Variants in ASTN2 observed in about 807,000 individuals in gnomAD.
ASTN2 encodes astrotactin 2, also known as astrotactin-2.
In ASTN2, 54 loss-of-function variants were observed where a neutral mutation model predicts 139.8. The observed-to-expected ratio is 0.39, with a 90% CI of 0.31 to 0.48. ASTN2 has a LOEUF of 0.48. Among genes scored for constraint, ASTN2 ranks in the 20% least tolerant of loss-of-function variants. The pLI is 0.95. For missense variants in ASTN2, 1,565 were observed against 1,725.1 expected (o/e 0.91, Z 1.64); for synonymous variants, 756 against 719.5 (o/e 1.05, Z -0.81).
At chr9:117,054,710 T>A (rs1316434028) in intron 5 of ASTN2, among the ~76,000 whole-genome samples, 1 of 152,154 alleles carries the variant, frequency 6.6e-6, no homozygotes, top group Non-Finnish European at 1.5e-5. Flanking sequence ...CTGTGCAGTG[T>A]GGGCAGAAGA....
At chr9:117,374,369 T>TAAAAAAAA (rs57428022) in intron 1 of ASTN2, among the ~76,000 whole-genome samples, 4 of 87,318 alleles carry the variant, frequency 4.6e-5, no homozygotes, top group African/African-American at 5.5e-5. Context: ...AGGGCAGGGT[T>TAAAAAAAA]AAAAAAAAAA....
In ASTN2 at chr9:116,939,375, T is replaced by A. The variant is rs1320777185; in HGVS notation, c.1889+35833A>T. ...ATTATTTAAATAATTTTAACTTTAA[T>A]AAAATATTTGCTTTTGTTATTTAAA... On this transcript the variant is annotated intron_variant, in intron 10 of 22. Transcript: ENST00000313400. Among the ~76,000 whole-genome samples, 3 of 152,118 alleles carry A rather than the reference T, an allele frequency of 2.0e-5. 1 individual carries two copies. The highest frequency in any genetic ancestry group is 4.4e-5 in the Non-Finnish European group (3 of 68,008).
chr9:117,339,297 C>T (rs1409783250), intron 1 of ASTN2, among the ~76,000 whole-genome samples: 7 of 152,096 alleles, frequency 4.6e-5, no homozygotes, highest in Non-Finnish European at 1.0e-4. Flanking sequence ...ACTCCACGAG[C>T]GCTCTTTCCA....
intron 10 of ASTN2, among the ~76,000 whole-genome samples, chr9:116,898,085 G>A (rs564718200): frequency 2.4e-4 from 37 of 151,974 alleles, no homozygotes; most frequent in Non-Finnish European, 4.3e-4. Flanking sequence ...ACGTAGCCTA[G>A]TATCACAGGA....
intron 3 of ASTN2, among the ~76,000 whole-genome samples, chr9:117,204,223 G>A (rs1831835293): frequency 6.6e-6 from 1 of 152,152 alleles, no homozygotes; most frequent in Admixed American, 6.5e-5. Context: ...AAATTTTTGT[G>A]TATTTTTGGA....
At position 117,393,837 on chromosome 9, in the gene ASTN2, C is replaced by T. The variant is rs139982261; in HGVS notation, c.442+20660G>A. Among the ~76,000 whole-genome samples, 256 of 151,924 alleles carry T rather than the reference C, an allele frequency of 1.7e-3. 1 individual carries two copies. Among genetic ancestry groups the T allele is most frequent in the Non-Finnish European group, 2.2e-3 (150 of 67,982 alleles). ...GACTCTAGGGTAGAATGGGCAGGCT[C>T]TGGTATGAAATGGGCAAGCTCTGGG... On this transcript the variant is annotated intron_variant, in intron 1 of 22. Coordinates refer to ENST00000313400, the MANE Select transcript of ASTN2 (RefSeq NM_001365068.1).
At chr9:117,317,912 C>A (rs1452806159) in intron 1 of ASTN2, among the ~76,000 whole-genome samples, 1 of 152,176 alleles carries the variant, frequency 6.6e-6, no homozygotes, top group Non-Finnish European at 1.5e-5. Context: ...AGAGAGCTGG[C>A]AGGACTGAGA....
intron 10 of ASTN2, among the ~76,000 whole-genome samples, chr9:116,944,082 G>T (rs949628406): frequency 6.6e-6 from 1 of 151,748 alleles, no homozygotes; most frequent in Non-Finnish European, 1.5e-5. Flanking sequence ...ATATGAGCTC[G>T]TCTCATTTTT....
At chr9:116,810,233 C>T (rs1051769081) in intron 12 of ASTN2, among the ~76,000 whole-genome samples, 1 of 152,146 alleles carries the variant, frequency 6.6e-6, no homozygotes, top group African/African-American at 2.4e-5. Context: ...TCTTTTAAAA[C>T]ATTTGGTGAA....
At chr9:116,763,340 A>G (rs895930887) in intron 13 of ASTN2, among the ~76,000 whole-genome samples, 3 of 152,162 alleles carry the variant, frequency 2.0e-5, no homozygotes, top group Non-Finnish European at 4.4e-5. Flanking sequence ...TTTATAAGGT[A>G]TACTCATTTT....
intron 1 of ASTN2, among the ~76,000 whole-genome samples, chr9:117,407,180 C>T (rs1421254944): frequency 6.6e-6 from 1 of 152,006 alleles, no homozygotes; most frequent in African/African-American, 2.4e-5. Flanking sequence ...GGTAGAGGTG[C>T]CAAATAAGAA....
chr9:116,904,901 G>A (rs540539704), intron 10 of ASTN2, among the ~76,000 whole-genome samples: 25 of 152,276 alleles, frequency 1.6e-4, no homozygotes, highest in African/African-American at 5.5e-4. Context: ...CTCTATGTTT[G>A]CAGCCATTTG....
chr9:116,492,233 C>A (rs968078297), intron 19 of ASTN2, among the ~76,000 whole-genome samples: 1 of 152,032 alleles, frequency 6.6e-6, no homozygotes, highest in African/African-American at 2.4e-5. Flanking sequence ...AGGTGCCCAC[C>A]ACCATGCCTG....
At chr9:116,807,896 G>A (rs986081557) in intron 12 of ASTN2, among the ~76,000 whole-genome samples, 8 of 151,748 alleles carry the variant, frequency 5.3e-5, no homozygotes, top group Admixed American at 3.3e-4. Context: ...TGGATCATGA[G>A]GTCAGGCGTT....
chr9:116,627,767 T>C (rs1211500865), intron 17 of ASTN2, among the ~76,000 whole-genome samples: 1 of 152,208 alleles, frequency 6.6e-6, no homozygotes, highest in African/African-American at 2.4e-5. Flanking sequence ...ATGTTCTCAC[T>C]GAAGTAGAGA....
At chr9:116,989,679 G>C (rs549405297) in intron 7 of ASTN2, among the ~76,000 whole-genome samples, 2 of 151,752 alleles carry the variant, frequency 1.3e-5, no homozygotes, top group African/African-American at 4.8e-5. Context: ...CACCTCCTGG[G>C]TTCAAGTGAT....
chr9:116,917,121 G>A (rs546663499), intron 10 of ASTN2, among the ~76,000 whole-genome samples: 8 of 151,968 alleles, frequency 5.3e-5, no homozygotes, highest in Admixed American at 4.6e-4. Context: ...TGTTCCTTCT[G>A]CCCCAAGAGC....
chr9:117,390,276 C>T (rs1211833620), intron 1 of ASTN2, among the ~76,000 whole-genome samples: 1 of 152,122 alleles, frequency 6.6e-6, no homozygotes, highest in East Asian at 1.9e-4. Context: ...CACAAACAGT[C>T]GTCCCTATTA....
At chr9:117,280,768 C>T (rs945909428) in intron 2 of ASTN2, among the ~76,000 whole-genome samples, 4 of 152,072 alleles carry the variant, frequency 2.6e-5, no homozygotes, top group Admixed American at 6.5e-5. Flanking sequence ...CAAGTGGTAT[C>T]GGCCAGATTT....
Sources: allele counts gnomAD v4.1 joint callset (sites outside exome capture counted in the v4.1 genomes callset), GRCh38; gene constraint gnomAD v4.1.1; transcripts MANE v1.5; gene names NCBI Gene and HGNC (gene_info 2026-07-23, HGNC 2026-07-21).